PDS5A: variants seen among roughly 807,000 people sequenced by gnomAD.
PDS5A encodes PDS5 cohesin associated factor A.
A neutral mutation model predicts 167.1 loss-of-function variants in PDS5A; 42 were observed. That is an observed-to-expected ratio of 0.25 (90% CI 0.20 to 0.33). The LOEUF is 0.33. Ranked by LOEUF, PDS5A falls within the 10% of genes least tolerant of loss-of-function variation. The probability of loss-of-function intolerance (pLI) is 1.00; values close to 1 mark genes in which losing one functional copy is unlikely to be tolerated. For missense variants in PDS5A, 1,033 were observed against 1,605.9 expected (o/e 0.64, Z 6.10); for synonymous variants, 553 against 554.6 (o/e 1.00, Z 0.04).
intron 28 of PDS5A, 67 bp downstream of exon 28, chr4:39,848,784 A>G: frequency 7.3e-7 from 1 of 1,371,124 alleles, no homozygotes; most frequent in South Asian, 1.3e-5. Flanking sequence ...ATTTGCCACA[A>G]TGGTTGATGG....
At chr4:39,922,378 A>C (rs191613159) in intron 6 of PDS5A, among the ~76,000 whole-genome samples, 5 of 152,338 alleles carry the variant, frequency 3.3e-5, no homozygotes, top group African/African-American at 1.2e-4. Flanking sequence ...ATTTGTGTGA[A>C]TACAAAACAT....
intron 20 of PDS5A, 81 bp from the exon 21 acceptor site, chr4:39,873,225 G>T: frequency 1.2e-6 from 1 of 826,920 alleles, no homozygotes; most frequent in Non-Finnish European, 1.7e-6. Flanking sequence ...ATTTTCCTGA[G>T]TCCTCCTGAA....
chr4:39,951,632 G>A (rs1269128331), intron 2 of PDS5A, among the ~76,000 whole-genome samples: 1 of 152,216 alleles, frequency 6.6e-6, no homozygotes, highest in African/African-American at 2.4e-5. Context: ...TGGGCAAGGT[G>A]GCTCACGCCT....
At chr4:39,863,134 A>T in intron 24 of PDS5A, 61 bp from the exon 25 acceptor site, 1 of 1,307,130 alleles carries the variant, frequency 7.7e-7, no homozygotes, top group Non-Finnish European at 1.1e-6. Flanking sequence ...ACAGCAGTTT[A>T]AGTATTTTTA....
At chr4:39,885,291 AAGG>A (rs1219769797) in intron 17 of PDS5A, among the ~76,000 whole-genome samples, 4 of 149,816 alleles carry the variant, frequency 2.7e-5, no homozygotes, top group South Asian at 4.2e-4. Context: ...AGACAAAAGA[AAGG>A]AGAAGAGAAG....
At chr4:39,878,664 CAACTT>C (rs1447775448) in intron 18 of PDS5A, among the ~76,000 whole-genome samples, 1 of 152,142 alleles carries the variant, frequency 6.6e-6, no homozygotes, top group Non-Finnish European at 1.5e-5. Context: ...ACTTTTAAAA[CAACTT>C]AAAAATACAA....
rs369596024 is a variant in PDS5A, at chr4:39,926,767, T to C, written c.429+8A>G. 55 of 1,368,796 alleles carry C rather than the reference T, an allele frequency of 4.0e-5. No individual in the cohort carries two copies. The East Asian group carries it at 1.2e-3, about 31-fold the overall frequency. 84.8% of individuals were successfully genotyped at this position (1,368,796 alleles called of 1,614,324 possible). A position where few individuals can be genotyped will look rare whatever the true frequency, so the allele number is the denominator to read the frequency against. On this transcript the variant is annotated splice_region_variant and intron_variant, in intron 4 of 32. Transcript: ENST00000303538. ...TGTTAATAGTTATTAAAGTTTTTTT[T>C]TTTTTACCTCTAATAAATAAAAGTA...
chr4:39,958,774 A>G (rs950436085), intron 2 of PDS5A, among the ~76,000 whole-genome samples: 16 of 151,592 alleles, frequency 1.1e-4, no homozygotes, highest in Non-Finnish European at 2.1e-4. Context: ...ACCCCTGACT[A>G]ATTTTTGTAT....
At chr4:39,916,841 G>A (rs982402904) in intron 8 of PDS5A, among the ~76,000 whole-genome samples, 21 of 151,578 alleles carry the variant, frequency 1.4e-4, no homozygotes, top group Admixed American at 1.4e-3. Context: ...ACTCCAGCCT[G>A]AGCAATAACA....
At chr4:39,871,177 G>A (rs972322316) in intron 21 of PDS5A, among the ~76,000 whole-genome samples, 1 of 152,214 alleles carries the variant, frequency 6.6e-6, no homozygotes, top group South Asian at 2.1e-4. Flanking sequence ...TTCTGTATGG[G>A]GTGATAAAAA....
chr4:39,911,265 G>A (rs1470634511), intron 9 of PDS5A, among the ~76,000 whole-genome samples: 3 of 152,048 alleles, frequency 2.0e-5, no homozygotes, highest in African/African-American at 7.2e-5. Flanking sequence ...GCATGGTGGT[G>A]GGTGCCTGTA....
chr4:39,908,608 A>G (rs374747801), intron 10 of PDS5A, 68 bp from the exon 11 acceptor site: 1 of 957,832 alleles, frequency 1.0e-6, no homozygotes, highest in Non-Finnish European at 1.6e-6. Context: ...TAGAATGGCA[A>G]GAACAGAAAT....
intron 22 of PDS5A, chr4:39,868,602 T>C: frequency 2.2e-6 from 1 of 450,920 alleles, no homozygotes; most frequent in Non-Finnish European, 4.4e-6. Flanking sequence ...GTGCTGGGAT[T>C]ATAGGCGTGA....
chr4:39,832,510 A>T (rs1374466870), intron 32 of PDS5A, among the ~76,000 whole-genome samples: 1 of 151,972 alleles, frequency 6.6e-6, no homozygotes, highest in East Asian at 1.9e-4. Context: ...CCTGGCTCAA[A>T]ATTTTTTTTT....
intron 2 of PDS5A, among the ~76,000 whole-genome samples, chr4:39,961,329 T>C (rs1024907299): frequency 6.6e-6 from 1 of 152,010 alleles, no homozygotes; most frequent in Non-Finnish European, 1.5e-5. Flanking sequence ...GATGGAGTCT[T>C]GCTATGTCGC....
At chr4:39,954,237 G>A (rs1245138131) in intron 2 of PDS5A, among the ~76,000 whole-genome samples, 1 of 152,012 alleles carries the variant, frequency 6.6e-6, no homozygotes, top group Admixed American at 6.6e-5. Context: ...GCATGTGCCT[G>A]TAGTCCCAGT....
intron 6 of PDS5A, 25 bp from the exon 7 acceptor site, chr4:39,920,424 A>C: frequency 9.4e-7 from 1 of 1,063,034 alleles, no homozygotes; most frequent in East Asian, 2.4e-5. Flanking sequence ...AAACATGGAA[A>C]GTTACAAATA....
Position 39,862,211 on chromosome 4 carries a change from A to G in PDS5A, c.3086+8T>C, listed in dbSNP as rs1168270795. ...TTTTTAGAGTTCTTGAAAAACAACA[A>G]GACTTACTCTTTGATATCACGAAGC... On this transcript the variant is annotated splice_region_variant and intron_variant, in intron 26 of 32. Coordinates refer to ENST00000303538, the MANE Select transcript of PDS5A (RefSeq NM_001100399.2). The G allele has an allele frequency of 3.4e-6, 4 of 1,188,094 alleles. No individual in the cohort carries two copies. In the East Asian group the frequency reaches 1.0e-4, roughly 31 times the overall value. The allele number at this position is 1,188,094 out of a possible 1,614,324, so 73.6% of individuals were successfully genotyped here.
intron 22 of PDS5A, among the ~76,000 whole-genome samples, chr4:39,867,920 T>C (rs943482048): frequency 4.6e-5 from 7 of 152,296 alleles, no homozygotes; most frequent in South Asian, 4.1e-4. Context: ...TGTGTAATTA[T>C]TGGTAGTCAT....
Sources: gnomAD v4.1 joint callset for allele counts (sites outside exome capture counted in the v4.1 genomes callset) on GRCh38, gnomAD v4.1.1 for gene constraint, MANE v1.5 for transcripts, NCBI Gene and HGNC (gene_info 2026-07-23, HGNC 2026-07-21) for gene names.